ARB2A: variants seen among roughly 807,000 people sequenced by gnomAD.
ARB2A encodes the protein cotranscriptional regulator ARB2A.
chr5:93,873,475 G>C, the ARB2A span, among the ~76,000 whole-genome samples: 2 of 151,304 alleles, frequency 1.3e-5, no homozygotes, highest in African/African-American at 4.9e-5. Context: ...AAAGGGAAAG[G>C]AGAAAAAAAA....
chr5:93,661,739 G>A, the ARB2A span, among the ~76,000 whole-genome samples: 1 of 152,098 alleles, frequency 6.6e-6, no homozygotes, highest in Non-Finnish European at 1.5e-5. Flanking sequence ...AAGCCATCCT[G>A]GGCTGCAGGT....
At chr5:93,943,168 A>G in the ARB2A span, among the ~76,000 whole-genome samples, 6 of 152,248 alleles carry the variant, frequency 3.9e-5, no homozygotes, top group Admixed American at 3.3e-4. Context: ...TGTACATGTT[A>G]AATTTTGGAA....
At chr5:93,796,908 A>G in the ARB2A span, among the ~76,000 whole-genome samples, 1 of 152,294 alleles carries the variant, frequency 6.6e-6, no homozygotes, top group African/African-American at 2.4e-5. Flanking sequence ...CCATATAAAC[A>G]TTGGGTGGAA....
chr5:94,079,773 T>C, the ARB2A span, among the ~76,000 whole-genome samples: 3 of 152,194 alleles, frequency 2.0e-5, no homozygotes, highest in East Asian at 5.8e-4. Context: ...TTACTTATCA[T>C]ATCTCTCCCA....
chr5:94,060,060 T>C, the ARB2A span, among the ~76,000 whole-genome samples: 1 of 152,000 alleles, frequency 6.6e-6, no homozygotes, highest in Non-Finnish European at 1.5e-5. Context: ...CCTGCAGCCT[T>C]TAAAAAAACA....
the ARB2A span, among the ~76,000 whole-genome samples, chr5:93,834,379 C>A: frequency 6.6e-6 from 1 of 152,272 alleles, no homozygotes; most frequent in African/African-American, 2.4e-5. Context: ...GTTATATGAA[C>A]TCGATTTCTG....
the ARB2A span, among the ~76,000 whole-genome samples, chr5:93,967,365 A>T: frequency 6.6e-6 from 1 of 152,114 alleles, no homozygotes; most frequent in Non-Finnish European, 1.5e-5. Flanking sequence ...AAAAACAAAA[A>T]AGGCTGAACA....
the ARB2A span, among the ~76,000 whole-genome samples, chr5:93,706,810 G>A: frequency 6.7e-6 from 1 of 150,044 alleles, no homozygotes; most frequent in Non-Finnish European, 1.5e-5. Flanking sequence ...ATGTTGCAGT[G>A]AGCTGAGATT....
the ARB2A span, among the ~76,000 whole-genome samples, chr5:94,023,263 G>A: frequency 6.6e-6 from 1 of 152,154 alleles, no homozygotes; most frequent in South Asian, 2.1e-4. Context: ...ACGTACTGAA[G>A]GGGGAGCACT....
the ARB2A span, among the ~76,000 whole-genome samples, chr5:93,763,109 C>T: frequency 6.6e-6 from 1 of 152,110 alleles, no homozygotes; most frequent in Non-Finnish European, 1.5e-5. Context: ...ATTGTAAAGA[C>T]CATCGAGACT....
chr5:93,690,996 G>A, the ARB2A span, among the ~76,000 whole-genome samples: 1 of 151,938 alleles, frequency 6.6e-6, no homozygotes, highest in African/African-American at 2.4e-5. Flanking sequence ...AAAAAAGAAC[G>A]ACCACACAAA....
chr5:93,881,615 T>C, the ARB2A span: 1 of 1,607,660 alleles, frequency 6.2e-7, no homozygotes, highest in South Asian at 1.1e-5. Context: ...AGATGATGAC[T>C]GTACGTGTAT....
At chr5:93,834,527 C>T in the ARB2A span, among the ~76,000 whole-genome samples, 1 of 152,150 alleles carries the variant, frequency 6.6e-6, no homozygotes, top group East Asian at 1.9e-4. Context: ...AAAATTAAGG[C>T]TTTTTACTAT....
At chr5:93,920,952 T>A in the ARB2A span, among the ~76,000 whole-genome samples, 1 of 152,120 alleles carries the variant, frequency 6.6e-6, no homozygotes, top group Non-Finnish European at 1.5e-5. Context: ...TTTTTCATTG[T>A]GTTTAGTGTA....
At chr5:93,933,450 C>T in the ARB2A span, among the ~76,000 whole-genome samples, 1 of 152,182 alleles carries the variant, frequency 6.6e-6, no homozygotes, top group Non-Finnish European at 1.5e-5. Context: ...AGCACATATA[C>T]ACCATGGAGT....
chr5:94,023,370 G>A, the ARB2A span, among the ~76,000 whole-genome samples: 1 of 152,198 alleles, frequency 6.6e-6, no homozygotes, highest in Non-Finnish European at 1.5e-5. Context: ...ATGGGAAGAA[G>A]AAATAATAGC....
At chr5:94,013,551 G>T in the ARB2A span, among the ~76,000 whole-genome samples, 4 of 151,924 alleles carry the variant, frequency 2.6e-5, no homozygotes, top group African/African-American at 9.7e-5. Context: ...AACTCTTTGG[G>T]GCATGATTTC....
At chr5:93,930,605 G>C in the ARB2A span, among the ~76,000 whole-genome samples, 4 of 152,158 alleles carry the variant, frequency 2.6e-5, no homozygotes, top group African/African-American at 9.7e-5. Flanking sequence ...GAAAAGACAA[G>C]AGCAGAGGTG....
At chr5:93,787,392 T>C in the ARB2A span, among the ~76,000 whole-genome samples, 3 of 152,340 alleles carry the variant, frequency 2.0e-5, no homozygotes, top group South Asian at 2.1e-4. Context: ...AGGATATACA[T>C]TGTAAAGTTA....
Sources: allele counts gnomAD v4.1 joint callset (sites outside exome capture counted in the v4.1 genomes callset), GRCh38; gene constraint gnomAD v4.1.1; transcripts MANE v1.5; gene names NCBI Gene and HGNC (gene_info 2026-07-23, HGNC 2026-07-21).